Variants in GCNT2 observed in about 807,000 individuals in gnomAD.
The protein encoded by GCNT2 is N-acetyllactosaminide beta-1,6-N-acetylglucosaminyl-transferase.
A neutral mutation model predicts 34.2 loss-of-function variants in GCNT2; 34 were observed. The observed-to-expected ratio is 1.00, with a 90% CI of 0.76 to 1.32. The LOEUF is 1.32. Among genes scored for constraint, GCNT2 ranks in the 40% most tolerant of loss-of-function variants. GCNT2 has a pLI of 0.00. For missense variants in GCNT2, 584 were observed against 489.4 expected (o/e 1.19, Z -1.82); for synonymous variants, 212 against 188.0 (o/e 1.13, Z -1.04).
At chr6:10,537,840 A>T (rs1014417889) in intron 3 of GCNT2, among the ~76,000 whole-genome samples, 20 of 151,916 alleles carry the variant, frequency 1.3e-4, no homozygotes, top group African/African-American at 4.4e-4. Flanking sequence ...TAGCCTACCG[A>T]TGGGCAAAAT....
chr6:10,565,950 C>T (rs1763261519), intron 3 of GCNT2, among the ~76,000 whole-genome samples: 1 of 152,142 alleles, frequency 6.6e-6, no homozygotes, highest in South Asian at 2.1e-4. Flanking sequence ...GTATGGATTC[C>T]CTTCCCCTAC....
chr6:10,586,057 A>G (rs776399694), intron 3 of GCNT2: 54 of 1,614,032 alleles, frequency 3.3e-5, no homozygotes, highest in Middle Eastern at 1.6e-4. Context: ...GTGAGATTTT[A>G]CAGTAGCCAA....
chr6:10,578,447 T>C (rs958333303), intron 3 of GCNT2, among the ~76,000 whole-genome samples: 1 of 135,546 alleles, frequency 7.4e-6, no homozygotes, highest in Non-Finnish European at 1.6e-5. Context: ...CTTACATTCT[T>C]TTTTTTTTTT....
chr6:10,585,692 C>A, intron 3 of GCNT2: 1 of 1,039,544 alleles, frequency 9.6e-7, no homozygotes, highest in East Asian at 3.5e-5. Flanking sequence ...AGGAGGCTTC[C>A]TAGAGGCTGG....
intron 3 of GCNT2, among the ~76,000 whole-genome samples, chr6:10,590,774 G>A (rs1361832242): frequency 2.6e-5 from 4 of 152,078 alleles, no homozygotes; most frequent in East Asian, 1.9e-4. Context: ...AGATGGTCTC[G>A]ATCTCCTGAC....
At chr6:10,550,984 A>C (rs575231152) in intron 3 of GCNT2, among the ~76,000 whole-genome samples, 6 of 152,222 alleles carry the variant, frequency 3.9e-5, no homozygotes, top group Non-Finnish European at 7.3e-5. Flanking sequence ...TGGTAATACA[A>C]TTAATGAGTC....
chr6:10,552,915 A>C (rs1362250284), intron 3 of GCNT2, among the ~76,000 whole-genome samples: 4 of 152,248 alleles, frequency 2.6e-5, no homozygotes, highest in African/African-American at 9.6e-5. Context: ...AGGGAGCCTC[A>C]GAATGGGTAC....
chr6:10,575,217 G>C, intron 3 of GCNT2: 1 of 360,274 alleles, frequency 2.8e-6, no homozygotes, highest in South Asian at 3.0e-5. Context: ...CTTTTCCTTT[G>C]TGTTCGTCAT....
intron 1 of GCNT2, among the ~76,000 whole-genome samples, chr6:10,524,286 T>C (rs1761081808): frequency 6.6e-6 from 1 of 151,362 alleles, no homozygotes; most frequent in Admixed American, 6.6e-5. Flanking sequence ...GTTTCGCTCT[T>C]GTTGCCTGGG....
chr6:10,620,513 TC>T (rs1160139788), intron 3 of GCNT2, among the ~76,000 whole-genome samples: 2 of 151,968 alleles, frequency 1.3e-5, no homozygotes, highest in East Asian at 3.9e-4. Flanking sequence ...GCTCACATGA[TC>T]CTCCCACCTC....
At chr6:10,584,545 C>T (rs1764258076) in intron 3 of GCNT2, among the ~76,000 whole-genome samples, 1 of 152,162 alleles carries the variant, frequency 6.6e-6, no homozygotes, top group African/African-American at 2.4e-5. Flanking sequence ...CTTTCCCTTC[C>T]CACGAGGCCG....
chr6:10,554,205 C>T (rs1012228281), intron 3 of GCNT2, among the ~76,000 whole-genome samples: 2 of 152,140 alleles, frequency 1.3e-5, no homozygotes, highest in Non-Finnish European at 2.9e-5. Context: ...CAGTCTTCCT[C>T]TAATGCAATA....
chr6:10,557,464 C>G (rs1450760317), intron 3 of GCNT2: 1 of 755,338 alleles, frequency 1.3e-6, no homozygotes, highest in South Asian at 1.6e-5. Flanking sequence ...AGTTCTCACC[C>G]TAGTCCTTTC....
At chr6:10,542,824 AT>A in intron 3 of GCNT2, among the ~76,000 whole-genome samples, 1 of 147,552 alleles carries the variant, frequency 6.8e-6, no homozygotes, top group South Asian at 2.2e-4. Context: ...ACAAGTCACT[AT>A]GGGGACACAT....
chr6:10,557,341 A>T, intron 3 of GCNT2: 1 of 1,608,614 alleles, frequency 6.2e-7, no homozygotes, highest in Non-Finnish European at 8.5e-7. Flanking sequence ...ATAGGATTCC[A>T]GGTACGTACA....
intron 3 of GCNT2, among the ~76,000 whole-genome samples, chr6:10,600,844 G>A (rs1445824078): frequency 3.3e-5 from 5 of 151,936 alleles, no homozygotes; most frequent in African/African-American, 1.2e-4. Flanking sequence ...TTGGCTTATT[G>A]CAGTGGTGCA....
chr6:10,595,484 G>A (rs1400814717), intron 3 of GCNT2, among the ~76,000 whole-genome samples: 4 of 151,908 alleles, frequency 2.6e-5, no homozygotes, highest in Non-Finnish European at 5.9e-5. Flanking sequence ...TCATCGTGTT[G>A]GCCAGGATGG....
At position 10,569,273 on chromosome 6, in the gene GCNT2, A is replaced by ACACACACACACACC. The variant is rs1561806920; in HGVS notation, c.925+39438_925+39439insACACACACACACCC. Among the ~76,000 whole-genome samples, 35 of 139,704 alleles carry ACACACACACACACC rather than the reference A, an allele frequency of 2.5e-4. 1 individual carries two copies. The highest frequency in any genetic ancestry group is 8.5e-4 in the African/African-American group (31 of 36,524). The allele number at this position is 139,704 out of a possible 152,430, so 91.7% of individuals were successfully genotyped here. A position where few individuals can be genotyped will look rare whatever the true frequency, so the allele number is the denominator to read the frequency against. ...CACACACACACACACACACACACACACCCCCTAGGTAATTTTGCCAAATCC... is the reference window on the plus strand; with the variant it reads ...CACACACACACACACACACACACACACACACACACACACCCCCCCTAGGTAATTTTGCCAAATCC... On this transcript the variant is annotated intron_variant, in intron 3 of 4. Coordinates refer to ENST00000495262, the MANE Select transcript of GCNT2 (RefSeq NM_145649.5).
intron 3 of GCNT2, among the ~76,000 whole-genome samples, chr6:10,568,617 A>T (rs1389590518): frequency 6.6e-6 from 1 of 152,216 alleles, no homozygotes; most frequent in South Asian, 2.1e-4. Context: ...GTGAGTGTCA[A>T]CAACTTATTG....
Sources: allele counts gnomAD v4.1 joint callset (sites outside exome capture counted in the v4.1 genomes callset), GRCh38; gene constraint gnomAD v4.1.1; transcripts MANE v1.5; gene names NCBI Gene and HGNC (gene_info 2026-07-23, HGNC 2026-07-21).